Variants in VDAC1 observed in about 807,000 individuals in gnomAD.
VDAC1 encodes the protein voltage dependent anion channel 1, also known as non-selective voltage-gated ion channel VDAC1.
Under a neutral mutation model 34.7 loss-of-function variants are expected in VDAC1, and 10 were observed. The ratio of observed to expected loss-of-function variants is 0.29; its 90% confidence interval spans 0.18 to 0.49. The LOEUF (loss-of-function observed/expected upper bound fraction) is 0.49, where lower values mean the gene tolerates loss of function less well. Among genes scored for constraint, VDAC1 ranks in the 20% least tolerant of loss-of-function variants. The probability of loss-of-function intolerance (pLI) is 0.99; values close to 1 mark genes in which losing one functional copy is unlikely to be tolerated. For missense variants in VDAC1, 230 were observed against 347.9 expected, an observed-to-expected ratio of 0.66 and a Z score of 2.69; for synonymous variants, 130 against 136.0, an observed-to-expected ratio of 0.96 and a Z score of 0.30.
At chr5:134,073,621 C>A in the VDAC1 span, among the ~76,000 whole-genome samples, 5 of 152,114 alleles carry the variant, frequency 3.3e-5, no homozygotes, top group African/African-American at 7.2e-5. Flanking sequence ...GTCATGGTGA[C>A]AATCTGGAAA....
chr5:134,029,686 T>C, the VDAC1 span, among the ~76,000 whole-genome samples: 3 of 152,238 alleles, frequency 2.0e-5, no homozygotes, highest in Admixed American at 6.5e-5. Flanking sequence ...TAGGATTCCA[T>C]TTATGTAACA....
chr5:134,032,124 C>CAAAAAAAAAAAA, the VDAC1 span, among the ~76,000 whole-genome samples: 3,708 of 36,076 alleles, frequency 0.1, 663 homozygotes, highest in Non-Finnish European at 0.13. Flanking sequence ...CTCTGCCTCA[C>CAAAAAAAAAAAA]AAAAAAAAAA....
chr5:134,046,190 TC>T, the VDAC1 span, among the ~76,000 whole-genome samples: 1 of 75,258 alleles, frequency 1.3e-5, no homozygotes, highest in African/African-American at 3.6e-5. Flanking sequence ...CACGCCCAGC[TC>T]ATTTTTTTTC....
upstream of VDAC1, among the ~76,000 whole-genome samples, chr5:134,009,460 T>C (rs552580570): frequency 3.3e-5 from 5 of 151,634 alleles, no homozygotes; most frequent in Non-Finnish European, 7.4e-5. Context: ...GGTTTCACCA[T>C]GTTGGCCAGG....
At chr5:134,014,339 A>C in the VDAC1 span, among the ~76,000 whole-genome samples, 4 of 152,298 alleles carry the variant, frequency 2.6e-5, no homozygotes, top group African/African-American at 9.6e-5. Flanking sequence ...ACATGAAAAA[A>C]TGCTCATCAT....
the VDAC1 span, among the ~76,000 whole-genome samples, chr5:134,027,888 AG>A: frequency 7.0e-6 from 1 of 142,384 alleles, no homozygotes; most frequent in Non-Finnish European, 1.5e-5. Flanking sequence ...CTCCTGCCTC[AG>A]TCTCCCAAGT....
the VDAC1 span, among the ~76,000 whole-genome samples, chr5:134,108,462 T>G: frequency 6.6e-6 from 1 of 152,078 alleles, no homozygotes; most frequent in Non-Finnish European, 1.5e-5. Flanking sequence ...CTGGTACAGG[T>G]CCTCTTCAAA....
the VDAC1 span, among the ~76,000 whole-genome samples, chr5:134,019,548 G>A: frequency 2.0e-5 from 3 of 152,224 alleles, no homozygotes; most frequent in Non-Finnish European, 4.4e-5. Flanking sequence ...CCACTGTGAT[G>A]CAGCCTGGGT....
the VDAC1 span, among the ~76,000 whole-genome samples, chr5:134,018,567 T>C: frequency 6.6e-6 from 1 of 152,190 alleles, no homozygotes; most frequent in Non-Finnish European, 1.5e-5. Flanking sequence ...CTGTTTAGTC[T>C]GCCTGTGGAG....
the VDAC1 span, among the ~76,000 whole-genome samples, chr5:134,048,585 T>C: frequency 6.6e-6 from 1 of 152,182 alleles, no homozygotes; most frequent in Non-Finnish European, 1.5e-5. Context: ...ACTTTTTAAA[T>C]GTATAGAAAC....
At chr5:133,974,974 CAG>C (rs1013739525) in intron 7 of VDAC1, among the ~76,000 whole-genome samples, 4 of 151,240 alleles carry the variant, frequency 2.6e-5, no homozygotes, top group Admixed American at 1.3e-4. Flanking sequence ...AACAAACAAA[CAG>C]AGATGATTGG....
chr5:133,993,792 G>C (rs566627756), intron 1 of VDAC1, among the ~76,000 whole-genome samples: 17 of 152,264 alleles, frequency 1.1e-4, no homozygotes, highest in Admixed American at 3.9e-4. Flanking sequence ...TAAGCACCTC[G>C]GTGTTCAAGG....
the VDAC1 span, among the ~76,000 whole-genome samples, chr5:134,035,744 C>T: frequency 1.1e-4 from 16 of 152,144 alleles, no homozygotes; most frequent in African/African-American, 3.6e-4. Context: ...TTGTGGCTCA[C>T]GCCTGTAATC....
the VDAC1 span, among the ~76,000 whole-genome samples, chr5:134,109,938 G>C: frequency 6.6e-6 from 1 of 152,130 alleles, no homozygotes; most frequent in Admixed American, 6.5e-5. Context: ...TGGTACACCC[G>C]GCAGCCTAGG....
At chr5:134,055,588 G>GTTTTTGTTTTTTTTTTGTTTTTTTTTTTT in the VDAC1 span, among the ~76,000 whole-genome samples, 1 of 59,626 alleles carries the variant, frequency 1.7e-5, no homozygotes, top group African/African-American at 7.2e-5. Flanking sequence ...CCCCGCTAAT[G>GTTTTTGTTTTTTTTTTGTTTTTTTTTTTT]TTTTTTTTTT....
the VDAC1 span, among the ~76,000 whole-genome samples, chr5:134,061,117 G>A: frequency 3.4e-5 from 5 of 148,770 alleles, no homozygotes. Context: ...TGCCCACCTC[G>A]GCCTCCCAAA....
At chr5:134,002,100 C>T (rs891189523) in intron 1 of VDAC1, among the ~76,000 whole-genome samples, 5 of 152,156 alleles carry the variant, frequency 3.3e-5, no homozygotes, top group African/African-American at 1.2e-4. Context: ...GAAGACACTA[C>T]ACCACGGGAA....
chr5:133,984,890 C>T (rs1752849352), intron 5 of VDAC1, among the ~76,000 whole-genome samples: 1 of 152,148 alleles, frequency 6.6e-6, no homozygotes, highest in Non-Finnish European at 1.5e-5. Context: ...GAGCCAAGAT[C>T]ACGCCTCTGC....
At chr5:134,054,472 T>C in the VDAC1 span, among the ~76,000 whole-genome samples, 1 of 148,356 alleles carries the variant, frequency 6.7e-6, no homozygotes, top group African/African-American at 2.5e-5. Flanking sequence ...TTTTTTTTTT[T>C]TTTCTTTTGA....
Sources: allele counts gnomAD v4.1 joint callset (sites outside exome capture counted in the v4.1 genomes callset), GRCh38; gene constraint gnomAD v4.1.1; transcripts MANE v1.5; gene names NCBI Gene and HGNC (gene_info 2026-07-23, HGNC 2026-07-21).